Variants in SMG6 observed in about 807,000 individuals in gnomAD.
SMG6 encodes telomerase-binding protein EST1A.
A neutral mutation model predicts 142.2 loss-of-function variants in SMG6; 66 were observed. The ratio of observed to expected loss-of-function variants is 0.46; its 90% CI spans 0.38 to 0.57. The LOEUF (loss-of-function observed/expected upper bound fraction) is 0.57. SMG6 is among the 20% of genes least tolerant of loss of function. The pLI, the probability that SMG6 is intolerant of heterozygous loss-of-function variation, is 0.00. For missense variants in SMG6, 1,793 were observed against 1,832.0 expected (o/e 0.98, Z 0.39); for synonymous variants, 779 against 702.4 (o/e 1.11, Z -1.72).
At position 2,100,037 on chromosome 17, in the gene SMG6, C is replaced by CTTT. The variant is rs150310662; in HGVS notation, c.3358-14139_3358-14137dup. On this transcript the variant is annotated intron_variant, in intron 13 of 18. Transcript: ENST00000263073. ...GCCACCATGCCCAGGTAATTTTTATCTTTTTTTTTTTTTTTTTCGAGACAG... is the reference window on the plus strand; with the variant it reads ...GCCACCATGCCCAGGTAATTTTTATCTTTTTTTTTTTTTTTTTTTTCGAGACAG... 3.1e-3 allele frequency among the ~76,000 whole-genome samples: 413 copies of CTTT among 134,862 alleles called. 3 individuals carry two copies. The highest frequency in any genetic ancestry group is 9.0e-3 in the African/African-American group (327 of 36,470). The allele number at this position is 134,862 out of a possible 152,430, so 88.5% of individuals were successfully genotyped here. A position where few individuals can be genotyped will look rare whatever the true frequency, so the allele number is the denominator to read the frequency against.
intron 15 of SMG6, among the ~76,000 whole-genome samples, chr17:2,069,988 A>G (rs1426755908): frequency 6.6e-6 from 1 of 152,210 alleles, no homozygotes; most frequent in Non-Finnish European, 1.5e-5. Flanking sequence ...TCATATGCTT[A>G]CTAGTGCAAG....
At chr17:2,276,939 G>A (rs1025458056) in intron 8 of SMG6, among the ~76,000 whole-genome samples, 3 of 151,518 alleles carry the variant, frequency 2.0e-5, no homozygotes, top group East Asian at 1.9e-4. Context: ...GCGCCACCAC[G>A]CCTGGCTAAT....
intron 10 of SMG6, among the ~76,000 whole-genome samples, chr17:2,209,291 C>A (rs1404062994): frequency 1.3e-5 from 2 of 152,196 alleles, no homozygotes; most frequent in Non-Finnish European, 2.9e-5. Context: ...CAGCTCACTG[C>A]AACCTCTGTC....
At chr17:2,206,276 A>T (rs1331585614) in intron 10 of SMG6, among the ~76,000 whole-genome samples, 1 of 152,102 alleles carries the variant, frequency 6.6e-6, no homozygotes, top group African/African-American at 2.4e-5. Flanking sequence ...ATATTCATAG[A>T]TACATGGTGT....
Position 2,299,598 on chromosome 17 carries a change from C to G in SMG6, c.1155G>C (p.Gly385=), listed in dbSNP as rs530441936. ...ACTCCTGCTTCTCAGAGCCTTTGCCCCCACTGCTCAAGCCTTTGTCAGGCT... is the reference window on the plus strand; with the variant it reads ...ACTCCTGCTTCTCAGAGCCTTTGCCGCCACTGCTCAAGCCTTTGTCAGGCT... The part of the protein sequence containing the change: ...RGKPDKGLSS[G]GKGSEKQESK... The change falls in exon 2 of 19, where the codon GGG becomes GGC. Residue 385 remains glycine (G), a synonymous_variant. Transcript: ENST00000263073. This position sits in a 1 kb window ranked among gnomAD's most constrained non-coding sequence, Gnocchi z 4.3. The G allele has an allele frequency of 6.2e-7, 1 of 1,614,158 alleles. No individual in the cohort carries two copies. Among genetic ancestry groups the G allele is most frequent in the South Asian group, 1.1e-5 (1 of 91,090 alleles).
At chr17:2,202,930 T>G (rs1282187197) in intron 10 of SMG6, among the ~76,000 whole-genome samples, 1 of 152,142 alleles carries the variant, frequency 6.6e-6, no homozygotes, top group East Asian at 1.9e-4. Context: ...GGTGAGACAA[T>G]GATCTCCAGA....
At position 2,184,960 on chromosome 17, in the gene SMG6, CAAAAAA is replaced by C. The variant is rs58230459; in HGVS notation, c.3155+1697_3155+1702del. On this transcript the variant is annotated intron_variant, in intron 12 of 18. Coordinates refer to ENST00000263073, the MANE Select transcript of SMG6 (RefSeq NM_017575.5). ...TGGGAGACAGAGCGGGACTCCATCT[CAAAAAA>C]AAAAAAAAAAAAAAAAAAAAGACAG... 3.6e-4 allele frequency among the ~76,000 whole-genome samples: 8 copies of C among 22,474 alleles called. No individual in the cohort carries two copies. In the East Asian group the frequency reaches 0.012, roughly 32 times the overall value. 14.7% of individuals were successfully genotyped at this position (22,474 alleles called of 152,430 possible). A position where few individuals can be genotyped will look rare whatever the true frequency, so the allele number is the denominator to read the frequency against.
At chr17:2,128,117 A>C (rs2069962306) in intron 13 of SMG6, among the ~76,000 whole-genome samples, 1 of 152,190 alleles carries the variant, frequency 6.6e-6, no homozygotes, top group Non-Finnish European at 1.5e-5. Context: ...AGCATGGGTG[A>C]AGGGCGCTGG....
At chr17:2,120,966 T>C (rs946533396) in intron 13 of SMG6, among the ~76,000 whole-genome samples, 2 of 152,132 alleles carry the variant, frequency 1.3e-5, no homozygotes, top group Non-Finnish European at 2.9e-5. Context: ...CTATAGATGA[T>C]GAGCTTAAAA....
rs564076020 is a variant in SMG6, at chr17:2,236,630, T to C, written c.2731A>G (p.Thr911Ala). 785 of 1,611,448 alleles carry C rather than the reference T, an allele frequency of 4.9e-4. 10 individuals carry two copies. The South Asian group carries it at 8.2e-3, about 17-fold the overall frequency. ...GKLFTRIGMETFPAVAEKVLK... is the reference protein window; with the variant it reads ...GKLFTRIGMEAFPAVAEKVLK... ...ACCTTCTCAGCCACTGCAGGGAATG[T>C]CTCCATCCTGCAGATTCAGAAAACC... The change falls in exon 10 of 19, where the codon ACA becomes GCA. Residue 911 changes from threonine to alanine, a missense_variant. Thr to Ala is a moderately conservative substitution (Grantham distance 58). This residue lies in a region of SMG6 where 1,597 missense variants were observed against 1,584.6 expected (regional missense o/e 1.01). Coordinates refer to ENST00000263073, the MANE Select transcript of SMG6 (RefSeq NM_017575.5).
intron 9 of SMG6, among the ~76,000 whole-genome samples, chr17:2,237,967 C>G (rs952916814): frequency 6.6e-6 from 1 of 152,204 alleles, no homozygotes; most frequent in Admixed American, 6.5e-5. Context: ...GAAACAGCTC[C>G]AGGTTGGATT....
chr17:2,242,435 C>G, intron 9 of SMG6, among the ~76,000 whole-genome samples: 1 of 147,150 alleles, frequency 6.8e-6, no homozygotes, highest in East Asian at 2.0e-4. Flanking sequence ...GAGGCTGAGG[C>G]AGAAGAATGG....
chr17:2,296,341 C>T (rs1423576571), intron 4 of SMG6, among the ~76,000 whole-genome samples: 1 of 152,156 alleles, frequency 6.6e-6, no homozygotes, highest in Admixed American at 6.6e-5. Context: ...CCTTCAAACT[C>T]CTAGTCATGT....
intron 8 of SMG6, among the ~76,000 whole-genome samples, chr17:2,279,233 G>A (rs1207097135): frequency 2.0e-5 from 3 of 152,146 alleles, no homozygotes; most frequent in Non-Finnish European, 2.9e-5. Context: ...AGAGCGGTGC[G>A]GGCAGAGAGA....
chr17:2,067,758 C>T (rs561533577), intron 16 of SMG6, among the ~76,000 whole-genome samples: 4 of 152,262 alleles, frequency 2.6e-5, no homozygotes, highest in African/African-American at 9.6e-5. Flanking sequence ...CCCACAACCC[C>T]CCAGGGTTCT....
At position 2,303,742 on chromosome 17, in the gene SMG6, C is replaced by T. The variant is rs1178526047; in HGVS notation, c.-22G>A. Reference sequence around the variant, plus strand: ...CCATCTTCGCGGCTGCTGCTACAGCCGTAGCGGCTCCGCCACCGCCGCGCG... The same window carrying T: ...CCATCTTCGCGGCTGCTGCTACAGCTGTAGCGGCTCCGCCACCGCCGCGCG... On this transcript the variant is annotated 5_prime_UTR_variant, in exon 1 of 19. Coordinates refer to ENST00000263073, the MANE Select transcript of SMG6 (RefSeq NM_017575.5). 2 of 1,482,784 alleles carry T rather than the reference C, an allele frequency of 1.3e-6. No individual in the cohort carries two copies. Among genetic ancestry groups the T allele is most frequent in the Non-Finnish European group, 8.9e-7 (1 of 1,122,244 alleles). The allele number at this position is 1,482,784 out of a possible 1,614,324, so 91.9% of individuals were successfully genotyped here.
At chr17:2,078,839 G>T (rs887508292) in intron 15 of SMG6, among the ~76,000 whole-genome samples, 1 of 152,198 alleles carries the variant, frequency 6.6e-6, no homozygotes, top group Middle Eastern at 3.2e-3. Context: ...GAAGCTGAAG[G>T]AAGGTGGCTT....
rs1216853422 is a variant in SMG6 at position 2,201,575 on chromosome 17, C to T, written c.2870-13060G>A. Reference sequence around the variant, plus strand: ...GGGCGTGGTGGCAGGCACTGTAATGCCAACTACGCAGGAGAATAGCTTGAA... The same window carrying T: ...GGGCGTGGTGGCAGGCACTGTAATGTCAACTACGCAGGAGAATAGCTTGAA... On this transcript the variant is annotated intron_variant, in intron 10 of 18. Coordinates refer to ENST00000263073, the MANE Select transcript of SMG6 (RefSeq NM_017575.5). Among the ~76,000 whole-genome samples, 5 of 151,022 alleles carry T rather than the reference C, an allele frequency of 3.3e-5. No individual in the cohort carries two copies. The Middle Eastern group carries it at 0.014, about 420-fold the overall frequency.
In SMG6 at chr17:2,060,293, AC is replaced by A. The variant is rs1180008474; in HGVS notation, c.*1198del. ...GGTAAGGAAGCCTCCCCACTGAGGT[AC>A]CAGCTAAAGGGGCAAGGAAAGGGCC... On this transcript the variant is annotated 3_prime_UTR_variant, in exon 19 of 19. Transcript: ENST00000263073. 1 of 152,286 alleles carries A rather than the reference AC, an allele frequency of 6.6e-6. No individual in the cohort carries two copies. Among genetic ancestry groups the A allele is most frequent in the Admixed American group, 6.5e-5 (1 of 15,286 alleles). The allele number at this position is 152,286 out of a possible 1,614,324, so 9.4% of individuals were successfully genotyped here. A position where few individuals can be genotyped will look rare whatever the true frequency, so the allele number is the denominator to read the frequency against.
Sources: allele counts gnomAD v4.1 joint callset (sites outside exome capture counted in the v4.1 genomes callset), GRCh38; gene constraint gnomAD v4.1.1; regional missense constraint gnomAD v4.1.1; non-coding constraint Gnocchi (gnomAD v3.1); transcripts MANE v1.5; gene names NCBI Gene and HGNC (gene_info 2026-07-23, HGNC 2026-07-21).